DPP10: variants seen among roughly 807,000 people sequenced by gnomAD.
DPP10 encodes the protein inactive dipeptidyl peptidase 10.
DPP10 carries 33 observed loss-of-function variants against 120.9 expected under a neutral mutation model. The ratio of observed to expected loss-of-function variants is 0.27; its 90% confidence interval spans 0.21 to 0.37. The LOEUF (loss-of-function observed/expected upper bound fraction) is 0.37, where lower values mean the gene tolerates loss of function less well. Ranked by LOEUF, DPP10 falls within the 10% of genes least tolerant of loss-of-function variation. The probability of loss-of-function intolerance (pLI) is 1.00; values close to 1 mark genes in which losing one functional copy is unlikely to be tolerated. For missense variants in DPP10, 816 were observed against 942.8 expected (o/e 0.87, Z 1.76); for synonymous variants, 337 against 326.1 (o/e 1.03, Z -0.36).
chr2:115,833,833 A>G (rs1460033853), intron 21 of DPP10, among the ~76,000 whole-genome samples: 1 of 152,166 alleles, frequency 6.6e-6, no homozygotes, highest in East Asian at 1.9e-4. Context: ...AAAGAATCCA[A>G]AAATCGGAAA....
intron 13 of DPP10, among the ~76,000 whole-genome samples, chr2:115,774,596 A>G (rs1681875933): frequency 6.6e-6 from 1 of 152,134 alleles, no homozygotes; most frequent in South Asian, 2.1e-4. Context: ...CTAGTCAACA[A>G]ATACTTGTAA....
At position 114,764,284 on chromosome 2, in the gene DPP10, C is replaced by CTT. The variant is rs201499611; in HGVS notation, c.60+321461_60+321462dup. On this transcript the variant is annotated intron_variant, in intron 1 of 25. Coordinates refer to ENST00000410059, the MANE Select transcript of DPP10 (RefSeq NM_020868.6). ...TGCAACTGCTGGCCTCTTAAATTGC[C>CTT]TTTTTTTTTTTTTTTTATCATGTTT... 4.0e-3 allele frequency among the ~76,000 whole-genome samples: 507 copies of CTT among 126,038 alleles called. 4 individuals carry two copies. The highest frequency in any genetic ancestry group is 0.015 in the East Asian group (64 of 4,368). The allele number at this position is 126,038 out of a possible 152,430, so 82.7% of individuals were successfully genotyped here.
At chr2:115,491,974 G>T (rs2076149503) in intron 3 of DPP10, among the ~76,000 whole-genome samples, 1 of 152,214 alleles carries the variant, frequency 6.6e-6, no homozygotes. Flanking sequence ...TCAAGGGCTA[G>T]TTGTGAAGTA....
chr2:115,228,621 A>C (rs909451038), intron 1 of DPP10, among the ~76,000 whole-genome samples: 4 of 152,018 alleles, frequency 2.6e-5, no homozygotes, highest in Non-Finnish European at 5.9e-5. Flanking sequence ...AAGTAAGAAC[A>C]TGTGAAGTTT....
chr2:115,022,181 A>G (rs1213380872), intron 1 of DPP10, among the ~76,000 whole-genome samples: 1 of 152,164 alleles, frequency 6.6e-6, no homozygotes, highest in Non-Finnish European at 1.5e-5. Flanking sequence ...AGACAAGAGA[A>G]AGAAATAAAG....
At chr2:115,027,219 T>C (rs1703525923) in intron 1 of DPP10, among the ~76,000 whole-genome samples, 1 of 152,170 alleles carries the variant, frequency 6.6e-6, no homozygotes, top group Non-Finnish European at 1.5e-5. Flanking sequence ...TGTTTATTGA[T>C]TCCAATGACT....
intron 7 of DPP10, among the ~76,000 whole-genome samples, chr2:115,690,866 G>A (rs1171434200): frequency 2.0e-5 from 3 of 152,138 alleles, no homozygotes; most frequent in Non-Finnish European, 4.4e-5. Context: ...TGTTAAGCGT[G>A]TTTACACCTA....
chr2:115,709,067 A>G (rs4849420), intron 7 of DPP10, among the ~76,000 whole-genome samples: 146,965 of 152,148 alleles, frequency 0.97, 71,209 homozygotes, highest in Middle Eastern at 1. Context: ...CCAAGGACTC[A>G]AGCCTGAACA....
intron 1 of DPP10, among the ~76,000 whole-genome samples, chr2:115,258,351 A>T (rs2105729829): frequency 6.6e-6 from 1 of 152,218 alleles, no homozygotes; most frequent in East Asian, 1.9e-4. Context: ...TGAAATAGGT[A>T]CCATTCCTAT....
chr2:115,770,375 C>T (rs1681315023), intron 13 of DPP10, among the ~76,000 whole-genome samples: 1 of 152,054 alleles, frequency 6.6e-6, no homozygotes, highest in African/African-American at 2.4e-5. Flanking sequence ...AAAGTTCTTA[C>T]ATTGTGTTTA....
intron 1 of DPP10, among the ~76,000 whole-genome samples, chr2:115,266,553 G>C (rs1048452028): frequency 1.3e-5 from 2 of 152,104 alleles, no homozygotes; most frequent in Non-Finnish European, 1.5e-5. Flanking sequence ...ACACATTATA[G>C]GTTCTAGCCT....
At chr2:115,310,433 A>G (rs1175635495) in intron 2 of DPP10, among the ~76,000 whole-genome samples, 1 of 152,186 alleles carries the variant, frequency 6.6e-6, no homozygotes, top group Non-Finnish European at 1.5e-5. Flanking sequence ...TTCGTGAGAT[A>G]TACCATCTTT....
At chr2:114,715,140 A>T (rs1701269710) in intron 1 of DPP10, among the ~76,000 whole-genome samples, 1 of 152,194 alleles carries the variant, frequency 6.6e-6, no homozygotes, top group Non-Finnish European at 1.5e-5. Flanking sequence ...AGCAGGAAAC[A>T]GGCTCTATGA....
chr2:115,157,225 T>C (rs1053095799), intron 1 of DPP10, among the ~76,000 whole-genome samples: 3 of 145,294 alleles, frequency 2.1e-5, no homozygotes, highest in Non-Finnish European at 3.0e-5. Context: ...GAAAGGAAGA[T>C]GTGAGGTTTT....
intron 1 of DPP10, among the ~76,000 whole-genome samples, chr2:115,205,229 T>C (rs1337309410): frequency 6.6e-6 from 1 of 152,176 alleles, no homozygotes. Flanking sequence ...TTTTAGGTCT[T>C]ACATTTAAGT....
intron 1 of DPP10, among the ~76,000 whole-genome samples, chr2:114,923,799 AAATTTTAGAC>A (rs1362890709): frequency 1.3e-5 from 2 of 152,240 alleles, no homozygotes; most frequent in East Asian, 3.9e-4. Flanking sequence ...CTCAATAGCA[AAATTTTAGAC>A]AATTTGGATG....
At chr2:114,567,495 A>G (rs1689292533) in intron 1 of DPP10, among the ~76,000 whole-genome samples, 1 of 152,180 alleles carries the variant, frequency 6.6e-6, no homozygotes, top group Admixed American at 6.6e-5. Flanking sequence ...TTTGAAGATG[A>G]AGCAAGGGGC....
At chr2:115,270,379 C>G (rs1432247917) in intron 1 of DPP10, among the ~76,000 whole-genome samples, 3 of 151,856 alleles carry the variant, frequency 2.0e-5, no homozygotes, top group African/African-American at 7.3e-5. Flanking sequence ...TGTGCTGAAC[C>G]ATCAGATCAG....
intron 1 of DPP10, among the ~76,000 whole-genome samples, chr2:114,522,103 C>T (rs1216650137): frequency 6.7e-6 from 1 of 148,912 alleles, no homozygotes; most frequent in African/African-American, 2.5e-5. Context: ...CCTCAGCCTC[C>T]CAAGTAGCTG....
Sources: allele counts gnomAD v4.1 joint callset (sites outside exome capture counted in the v4.1 genomes callset), GRCh38; gene constraint gnomAD v4.1.1; transcripts MANE v1.5; gene names NCBI Gene and HGNC (gene_info 2026-07-23, HGNC 2026-07-21).